Variants in TRANK1 observed in about 807,000 individuals in gnomAD.
TRANK1 encodes TPR and ankyrin repeat-containing protein 1.
Under a neutral mutation model 266.0 loss-of-function variants are expected in TRANK1, and 198 were observed. That is an observed-to-expected ratio of 0.74 (90% CI 0.66 to 0.84). The LOEUF (loss-of-function observed/expected upper bound fraction) is 0.84, where lower values mean the gene tolerates loss of function less well. Among genes scored for constraint, TRANK1 ranks in the 40% least tolerant of loss-of-function variants. The pLI is 0.00. For synonymous variants in TRANK1, 1,396 were observed against 1,384.1 expected (o/e 1.01, Z -0.19); for missense variants, 3,326 against 3,634.6 (o/e 0.92, Z 2.18).
In TRANK1 at chr3:36,855,391, T is replaced by C; in HGVS notation, c.4331A>G (p.Gln1444Arg). ...TTTCATCAGCAGCGCCAGCTCGGCC[T>C]GGGTAAAGTCTTGAATCTCATCACC... ...LYGDEIQDFT[Q>R]AELALLMKCI... The change falls in exon 13 of 24, where the codon CAG (glutamine) becomes CGG (arginine). Residue 1444 changes from glutamine to arginine, a missense_variant. By Grantham distance (43) the Gln-to-Arg change is conservative. Coordinates refer to ENST00000645898, the MANE Select transcript of TRANK1 (RefSeq NM_001329998.2). 1 of 1,614,074 alleles carries C rather than the reference T, an allele frequency of 6.2e-7. No homozygotes were observed. The highest frequency in any genetic ancestry group is 8.5e-7 in the Non-Finnish European group (1 of 1,179,898).
chr3:36,874,169 G>A lies in TRANK1; in HGVS notation c.1035C>T (p.Asn345=). Residue 345 remains asparagine (N), a synonymous_variant, in exon 9 of 24, where the codon AAC becomes AAT. Transcript: ENST00000645898. ...ACGTAGCTAGCTTTTCTAAGTGACT[G>A]TTGATTTTCTCGATGGCTTTGAAGT... ...NKNFKAIEKI[N]SHLEKLATCS... 1 of 1,537,536 alleles carries A rather than the reference G, an allele frequency of 6.5e-7. No homozygotes were observed. Among genetic ancestry groups the A allele is most frequent in the Non-Finnish European group, 8.7e-7 (1 of 1,146,962 alleles).
rs1274526637 is a variant in TRANK1, at chr3:36,830,897, A to G, written c.8686T>C (p.Tyr2896His). The G allele has an allele frequency of 6.2e-7, 1 of 1,610,430 alleles. No homozygotes were observed. Among genetic ancestry groups the G allele is most frequent in the East Asian group, 2.2e-5 (1 of 44,796 alleles). The change falls in exon 22 of 24, where the codon TAC (tyrosine) becomes CAC (histidine). Residue 2896 changes from tyrosine (Y) to histidine (H), a missense_variant. Tyr to His is a moderately conservative substitution (Grantham distance 83). Coordinates refer to ENST00000645898, the MANE Select transcript of TRANK1 (RefSeq NM_001329998.2). ...KRVSDMVEDL[Y>H]RRKAWAGAEE... ...CCGCCAGCCCAGGCCTTCCGCCTGT[A>G]GAGGTCCTCCACCATATCCGAAACC... is the stretch of plus-strand genomic sequence containing the variant.
rs1007171916 is a variant in TRANK1 at position 36,827,650 on chromosome 3, G to T, written c.*625C>A. 6.6e-6 allele frequency: 1 copy of T among 152,386 alleles called. No individual in the cohort carries two copies. The highest frequency in any genetic ancestry group is 3.2e-3 in the Middle Eastern group (1 of 316). The allele number at this position is 152,386 out of a possible 1,614,324, so 9.4% of individuals were successfully genotyped here. A position where few individuals can be genotyped will look rare whatever the true frequency, so the allele number is the denominator to read the frequency against. Reference sequence around the variant, plus strand: ...TGACTTGGCACAGGTAGCTAAGAATGATCACAAAAAACAGAAGAAGGGAAG... The same window carrying T: ...TGACTTGGCACAGGTAGCTAAGAATTATCACAAAAAACAGAAGAAGGGAAG... On this transcript the variant is annotated 3_prime_UTR_variant, in exon 24 of 24. Coordinates refer to ENST00000645898, the MANE Select transcript of TRANK1 (RefSeq NM_001329998.2).
At chr3:36,878,042 C>CGGCTGTGGA (rs1553623925) in intron 8 of TRANK1, among the ~76,000 whole-genome samples, 1 of 151,724 alleles carries the variant, frequency 6.6e-6, no homozygotes, top group African/African-American at 2.4e-5. Context: ...CCCCAACCCC[C>CGGCTGTGGA]CAGGTGCTGG....
At chr3:36,902,498 G>T (rs2079898403) in intron 3 of TRANK1, among the ~76,000 whole-genome samples, 1 of 152,164 alleles carries the variant, frequency 6.6e-6, no homozygotes, top group South Asian at 2.1e-4. Context: ...TGCTCCTTTT[G>T]TCTGCCTTGA....
At chr3:36,875,069 G>A (rs1196244299) in intron 8 of TRANK1, among the ~76,000 whole-genome samples, 1 of 151,482 alleles carries the variant, frequency 6.6e-6, no homozygotes, top group Admixed American at 6.6e-5. Flanking sequence ...ACTGTGGTAG[G>A]CAGAATTCTA....
Position 36,838,649 on chromosome 3 carries a change from G to C in TRANK1, c.5348C>G (p.Thr1783Ser). Residue 1783 changes from threonine (T) to serine (S), a missense_variant, in exon 19 of 24, where the codon ACT becomes AGT. Physicochemically the swap from Thr to Ser is moderately conservative, Grantham distance 58. Coordinates refer to ENST00000645898, the MANE Select transcript of TRANK1 (RefSeq NM_001329998.2). ...TTTCTTGGATTTCATGCTCAGGGCAGTGTCATGGGCCAGGGCCAACTTCTC... is the reference window on the plus strand; with the variant it reads ...TTTCTTGGATTTCATGCTCAGGGCACTGTCATGGGCCAGGGCCAACTTCTC... ...EKEKLALAHD[T>S]ALSMKSKKVS... 1 of 1,613,964 alleles carries C rather than the reference G, an allele frequency of 6.2e-7. No individual in the cohort carries two copies. The highest frequency in any genetic ancestry group is 8.5e-7 in the Non-Finnish European group (1 of 1,179,870).
Position 36,832,790 on chromosome 3 carries a change from A to C in TRANK1, c.6793T>G (p.Cys2265Gly), listed in dbSNP as rs1248798130. 6.2e-7 allele frequency: 1 copy of C among 1,613,936 alleles called. No homozygotes were observed. Among genetic ancestry groups the C allele is most frequent in the Non-Finnish European group, 8.5e-7 (1 of 1,179,904 alleles). Reference protein sequence around the residue: ...YILSTDMYGLCKSILDVLFPK... With the variant: ...YILSTDMYGLGKSILDVLFPK... ...AAAAGGACATCCAGAATGGACTTGCAAAGGCCATACATATCTGTAGACAAA... is the reference window on the plus strand; with the variant it reads ...AAAAGGACATCCAGAATGGACTTGCCAAGGCCATACATATCTGTAGACAAA... Residue 2265 changes from cysteine (C) to glycine (G), a missense_variant, in exon 22 of 24, where the codon TGC (cysteine) becomes GGC (glycine). By Grantham distance (159) the Cys-to-Gly change is radical (BLOSUM62 -3). Transcript: ENST00000645898.
intron 17 of TRANK1, 86 bp from the exon 18 acceptor site, chr3:36,842,796 G>A (rs1426301567): frequency 3.3e-5 from 39 of 1,167,676 alleles, no homozygotes; most frequent in Admixed American, 7.9e-5. Context: ...CATCTCCTCC[G>A]CCAGCCATCA....
At chr3:36,858,609 T>C in intron 12 of TRANK1, 109 bp downstream of exon 12, 1 of 1,303,398 alleles carries the variant, frequency 7.7e-7, no homozygotes, top group Non-Finnish European at 9.9e-7. Flanking sequence ...GAAATGGGCC[T>C]TTTTCAGATC....
chr3:36,904,307 C>A (rs1158050623), intron 2 of TRANK1, among the ~76,000 whole-genome samples: 1 of 151,376 alleles, frequency 6.6e-6, no homozygotes, highest in Non-Finnish European at 1.5e-5. Context: ...GAGGCCGAGG[C>A]GAGGAGTTCG....
intron 20 of TRANK1, among the ~76,000 whole-genome samples, chr3:36,837,916 T>G (rs1169295588): frequency 6.6e-6 from 1 of 152,174 alleles, no homozygotes; most frequent in African/African-American, 2.4e-5. Flanking sequence ...ATTTAAATTG[T>G]AAATTAAATA....
Position 36,858,952 on chromosome 3 carries a change from G to A in TRANK1, c.1496-58C>T, listed in dbSNP as rs1041138125. 174 of 1,445,004 alleles carry A rather than the reference G, an allele frequency of 1.2e-4. No homozygotes were observed. In the Admixed American group the frequency reaches 2.8e-3, roughly 23 times the overall value. The allele number at this position is 1,445,004 out of a possible 1,614,324, so 89.5% of individuals were successfully genotyped here. ...GCAGGCACAGCCTGGCTCGCCTGAC[G>A]AGAGAAGGAATGCTTCAGTTATTCA... On this transcript the variant is annotated intron_variant, in intron 11 of 23. Coordinates refer to ENST00000645898, the MANE Select transcript of TRANK1 (RefSeq NM_001329998.2).
At chr3:36,888,674 A>T (rs148575475) in intron 8 of TRANK1, among the ~76,000 whole-genome samples, 1 of 152,168 alleles carries the variant, frequency 6.6e-6, no homozygotes, top group Admixed American at 6.5e-5. Flanking sequence ...GAAGTCCCCA[A>T]AAGGAGGCCT....
intron 3 of TRANK1, among the ~76,000 whole-genome samples, chr3:36,900,538 C>T (rs1055939436): frequency 1.3e-5 from 2 of 152,028 alleles, no homozygotes; most frequent in African/African-American, 4.8e-5. Flanking sequence ...CCACGTTGAT[C>T]ACCTGAATCA....
At chr3:36,866,165 A>G (rs2079225184) in intron 9 of TRANK1, among the ~76,000 whole-genome samples, 1 of 152,228 alleles carries the variant, frequency 6.6e-6, no homozygotes, top group Non-Finnish European at 1.5e-5. Flanking sequence ...TTTATTAGGT[A>G]TCAAAAAGTA....
rs60018097 is a variant in TRANK1 at position 36,845,058 on chromosome 3, T to TA, written c.5191+1189dup. Among the ~76,000 whole-genome samples the TA allele has an allele frequency of 7.0e-4, 106 of 150,814 alleles. 1 individual carries two copies. The highest frequency in any genetic ancestry group is 3.4e-3 in the Middle Eastern group (1 of 292). On this transcript the variant is annotated intron_variant, in intron 17 of 23. Coordinates refer to ENST00000645898, the MANE Select transcript of TRANK1 (RefSeq NM_001329998.2). The stretch of plus-strand genomic sequence containing the variant: ...AAATTATGAAAAAAAAATACACAAT[T>TA]AAAAAAAAACCCTGCAAATAGCACA...
chr3:36,856,790 T>C lies in TRANK1; in HGVS notation c.2932A>G (p.Asn978Asp), dbSNP rs759361306. The C allele has an allele frequency of 3.1e-6, 5 of 1,613,934 alleles. No homozygotes were observed. Among genetic ancestry groups the C allele is most frequent in the Admixed American group, 1.7e-5 (1 of 60,006 alleles). Residue 978 changes from asparagine (N) to aspartate (D), a missense_variant, in exon 13 of 24, where the codon AAT (asparagine) becomes GAT (aspartate). Physicochemically the swap from Asn to Asp is conservative, Grantham distance 23 (BLOSUM62 1). Transcript: ENST00000645898. ...CVLRKKLKGINKGQVSANMKI... is the reference protein window; with the variant it reads ...CVLRKKLKGIDKGQVSANMKI... ...ATGTTAGCTGACACTTGGCCTTTAT[T>C]GATACCTTTCAGCTTCTTCCGCAGG...
At chr3:36,944,704 C>A in intron 1 of TRANK1, 83 bp downstream of exon 1, 1 of 1,470,268 alleles carries the variant, frequency 6.8e-7, no homozygotes, top group South Asian at 1.3e-5. Flanking sequence ...TCGCCAGTCC[C>A]CGCGCGCGGC....
Sources: allele counts gnomAD v4.1 joint callset (sites outside exome capture counted in the v4.1 genomes callset), GRCh38; gene constraint gnomAD v4.1.1; transcripts MANE v1.5; gene names NCBI Gene and HGNC (gene_info 2026-07-23, HGNC 2026-07-21).